ANKRD6: variants seen among roughly 807,000 people sequenced by gnomAD.
The protein encoded by ANKRD6 is ankyrin repeat domain-containing protein 6.
In ANKRD6, 56 loss-of-function variants were observed where a neutral mutation model predicts 82.3. The ratio of observed to expected loss-of-function variants is 0.68; its 90% CI spans 0.55 to 0.85. The LOEUF (loss-of-function observed/expected upper bound fraction) is 0.85, where lower values mean the gene tolerates loss of function less well. Among genes scored for constraint, ANKRD6 ranks in the 40% least tolerant of loss-of-function variants. The pLI, the probability that ANKRD6 is intolerant of heterozygous loss-of-function variation, is 0.00. For missense variants in ANKRD6, 852 were observed against 907.6 expected, an observed-to-expected ratio of 0.94 and a Z score of 0.79; for synonymous variants, 347 against 352.1, an observed-to-expected ratio of 0.99 and a Z score of 0.16.
At chr6:89,622,710 T>A (rs901584136) in intron 10 of ANKRD6, among the ~76,000 whole-genome samples, 1 of 152,174 alleles carries the variant, frequency 6.6e-6, no homozygotes, top group African/African-American at 2.4e-5. Flanking sequence ...AGCTAGGTGC[T>A]CTTGTGCCGT....
chr6:89,504,142 G>A (rs575745732), intron 1 of ANKRD6, among the ~76,000 whole-genome samples: 4 of 116,374 alleles, frequency 3.4e-5, no homozygotes, highest in Non-Finnish European at 5.2e-5. Flanking sequence ...GGCGGGGGGT[G>A]GGGGGGAAGG....
chr6:89,611,572 T>C (rs1245366558), intron 5 of ANKRD6, among the ~76,000 whole-genome samples: 1 of 152,226 alleles, frequency 6.6e-6, no homozygotes, highest in Non-Finnish European at 1.5e-5. Flanking sequence ...TTGGTTGTCA[T>C]TGTGATGTGG....
intron 9 of ANKRD6, chr6:89,621,585 A>G (rs1040426473): frequency 3.3e-4 from 87 of 262,204 alleles, no homozygotes; most frequent in South Asian, 6.3e-4. Context: ...CGCCATTCAT[A>G]TCCTAGTTTA....
intron 1 of ANKRD6, among the ~76,000 whole-genome samples, chr6:89,538,898 A>G (rs1784161181): frequency 6.6e-6 from 1 of 152,140 alleles, no homozygotes; most frequent in Non-Finnish European, 1.5e-5. Flanking sequence ...CAAGATCAAA[A>G]GGCCAAAAAA....
intron 1 of ANKRD6, among the ~76,000 whole-genome samples, chr6:89,538,796 C>CT (rs1236287025): frequency 6.6e-6 from 1 of 151,104 alleles, no homozygotes; most frequent in Non-Finnish European, 1.5e-5. Context: ...CCAACTTTTT[C>CT]TTTAAAAAAA....
intron 1 of ANKRD6, among the ~76,000 whole-genome samples, chr6:89,435,096 T>A (rs891005074): frequency 1.3e-5 from 2 of 152,174 alleles, no homozygotes; most frequent in African/African-American, 2.4e-5. Flanking sequence ...ATATGCTCCA[T>A]GTAAAAGCAG....
chr6:89,504,142 G>T (rs575745732), intron 1 of ANKRD6, among the ~76,000 whole-genome samples: 2 of 116,374 alleles, frequency 1.7e-5, no homozygotes, highest in East Asian at 3.2e-4. Context: ...GGCGGGGGGT[G>T]GGGGGGAAGG....
At chr6:89,594,222 G>A (rs1200817343) in intron 2 of ANKRD6, among the ~76,000 whole-genome samples, 1 of 152,118 alleles carries the variant, frequency 6.6e-6, no homozygotes, top group African/African-American at 2.4e-5. Context: ...GGAGGCCGAG[G>A]CAGGCGGATC....
Position 89,463,031 on chromosome 6 carries a change from T to A in ANKRD6, c.-144+29656T>A, listed in dbSNP as rs558832823. On this transcript the variant is annotated intron_variant, in intron 1 of 15. Coordinates refer to ENST00000339746, the MANE Select transcript of ANKRD6 (RefSeq NM_001242809.2). ...GTGCCACCATGCCCAGCTAATTTTT[T>A]AAAAAATTCTTTTTTGTGAAAACAA... is the stretch of plus-strand genomic sequence containing the variant. Among the ~76,000 whole-genome samples, 226 of 152,104 alleles carry A rather than the reference T, an allele frequency of 1.5e-3. 2 individuals are homozygous for A. Among genetic ancestry groups the A allele is most frequent in the African/African-American group, 5.0e-3 (209 of 41,518 alleles).
chr6:89,453,931 A>G (rs1396021095), intron 1 of ANKRD6, among the ~76,000 whole-genome samples: 1 of 151,958 alleles, frequency 6.6e-6, no homozygotes, highest in Non-Finnish European at 1.5e-5. Context: ...CCTCCGGAGT[A>G]GCTGGGACTA....
At chr6:89,618,170 A>G (rs768893461) in intron 9 of ANKRD6, 139 bp downstream of exon 9, 1 of 927,990 alleles carries the variant, frequency 1.1e-6, no homozygotes, top group East Asian at 2.4e-5. Flanking sequence ...ATAGGCATGC[A>G]TGGGGGCCCA....
chr6:89,547,172 C>T (rs757091645), intron 1 of ANKRD6, among the ~76,000 whole-genome samples: 2 of 139,398 alleles, frequency 1.4e-5, no homozygotes, highest in East Asian at 2.0e-4. Flanking sequence ...TTGCTAAGAA[C>T]GGTAACTAGT....
At chr6:89,501,645 A>G (rs1030035164) in intron 1 of ANKRD6, among the ~76,000 whole-genome samples, 2 of 152,222 alleles carry the variant, frequency 1.3e-5, no homozygotes, top group Non-Finnish European at 2.9e-5. Flanking sequence ...TTTTTGCATT[A>G]AAGAAAACTA....
At chr6:89,623,778 C>T (rs903365447) in intron 11 of ANKRD6, 94 bp from the exon 12 acceptor site, 9 of 1,404,474 alleles carry the variant, frequency 6.4e-6, no homozygotes, top group Admixed American at 2.4e-5. Context: ...AAGTGGGGCT[C>T]TTTGCCCAAA....
At chr6:89,536,146 C>T (rs1783798935) in intron 1 of ANKRD6, among the ~76,000 whole-genome samples, 1 of 152,228 alleles carries the variant, frequency 6.6e-6, no homozygotes, top group Non-Finnish European at 1.5e-5. Flanking sequence ...ATGATAATCC[C>T]TTGAACCTGG....
At chr6:89,618,475 C>T (rs998276594) in intron 9 of ANKRD6, 21 of 436,590 alleles carry the variant, frequency 4.8e-5, no homozygotes, top group Admixed American at 1.2e-4. Flanking sequence ...AGTCGCCTGC[C>T]GGAGATAGTT....
chr6:89,510,340 A>T (rs1267236586), intron 1 of ANKRD6, among the ~76,000 whole-genome samples: 1 of 151,942 alleles, frequency 6.6e-6, no homozygotes, highest in Non-Finnish European at 1.5e-5. Context: ...TTTAAGGGGC[A>T]CATTAGCAAA....
At chr6:89,538,595 C>A (rs919437437) in intron 1 of ANKRD6, among the ~76,000 whole-genome samples, 1 of 152,098 alleles carries the variant, frequency 6.6e-6, no homozygotes, top group African/African-American at 2.4e-5. Flanking sequence ...CTTAGTAATG[C>A]AGTGAAATTT....
rs1417638642 is a variant in ANKRD6, at chr6:89,545,228, AAAG to A, written c.-143-21603_-143-21601del. 1.4e-3 allele frequency among the ~76,000 whole-genome samples: 217 copies of A among 150,872 alleles called. 1 individual carries two copies. Among genetic ancestry groups the A allele is most frequent in the African/African-American group, 4.9e-3 (203 of 41,078 alleles). On this transcript the variant is annotated intron_variant, in intron 1 of 15. Transcript: ENST00000339746. ...ACTCCATCTCAAAAAAAAAAAAAAA[AAAG>A]AAAAGAAAAAGGGCTGTTTCTACTG...
Sources: gnomAD v4.1 joint callset for allele counts (sites outside exome capture counted in the v4.1 genomes callset) on GRCh38, gnomAD v4.1.1 for gene constraint, MANE v1.5 for transcripts, NCBI Gene and HGNC (gene_info 2026-07-23, HGNC 2026-07-21) for gene names.